PITPNC1: variants seen among roughly 807,000 people sequenced by gnomAD.
PITPNC1 encodes the protein cytoplasmic phosphatidylinositol transfer protein 1.
A neutral mutation model predicts 44.7 loss-of-function variants in PITPNC1; 18 were observed. That is an observed-to-expected ratio of 0.40 (90% CI 0.28 to 0.60). The LOEUF is 0.60. Among genes scored for constraint, PITPNC1 ranks in the 20% least tolerant of loss-of-function variants. The pLI is 0.39. For missense variants in PITPNC1, 290 were observed against 418.4 expected, an observed-to-expected ratio of 0.69 and a Z score of 2.68; for synonymous variants, 141 against 149.6, an observed-to-expected ratio of 0.94 and a Z score of 0.42.
At chr17:67,539,940 A>G (rs1021037944) in intron 2 of PITPNC1, among the ~76,000 whole-genome samples, 14 of 152,150 alleles carry the variant, frequency 9.2e-5, no homozygotes, top group African/African-American at 2.9e-4. Context: ...ATTTATATAT[A>G]TTGTTTACAG....
At chr17:67,687,169 T>C in intron 8 of PITPNC1, 1 of 1,574,294 alleles carries the variant, frequency 6.4e-7, no homozygotes, top group Non-Finnish European at 8.7e-7. Flanking sequence ...ACATAGAGAG[T>C]CATGCCCAAA....
intron 1 of PITPNC1, among the ~76,000 whole-genome samples, chr17:67,443,353 ACT>A (rs1340904096): frequency 6.7e-6 from 1 of 150,080 alleles, no homozygotes; most frequent in Non-Finnish European, 1.5e-5. Flanking sequence ...GACTTCTTAG[ACT>A]CTCGCAAGCA....
At chr17:67,534,389 G>A (rs1177469426) in intron 2 of PITPNC1, among the ~76,000 whole-genome samples, 1 of 152,092 alleles carries the variant, frequency 6.6e-6, no homozygotes, top group Non-Finnish European at 1.5e-5. Context: ...TATAATCCCA[G>A]CACTTTGGGA....
intron 6 of PITPNC1, among the ~76,000 whole-genome samples, chr17:67,639,807 G>A (rs2042072446): frequency 6.6e-6 from 1 of 152,214 alleles, no homozygotes; most frequent in Non-Finnish European, 1.5e-5. Context: ...TGTCAAGGGT[G>A]AGAGATTAAA....
chr17:67,598,214 C>T (rs1409553416), intron 5 of PITPNC1, among the ~76,000 whole-genome samples: 1 of 151,936 alleles, frequency 6.6e-6, no homozygotes, highest in African/African-American at 2.4e-5. Flanking sequence ...ATCTCCAGCA[C>T]TCCAGAGTGA....
At chr17:67,660,500 ATATTT>A (rs573834067) in intron 6 of PITPNC1, among the ~76,000 whole-genome samples, 5 of 149,222 alleles carry the variant, frequency 3.4e-5, no homozygotes, top group Non-Finnish European at 7.4e-5. Context: ...TGTATCATAT[ATATTT>A]TATTTTATTT....
At chr17:67,623,340 G>A (rs1310879499) in intron 5 of PITPNC1, among the ~76,000 whole-genome samples, 1 of 151,980 alleles carries the variant, frequency 6.6e-6, no homozygotes, top group Non-Finnish European at 1.5e-5. Flanking sequence ...CACCTGCCCA[G>A]CCCTTCAATT....
intron 1 of PITPNC1, among the ~76,000 whole-genome samples, chr17:67,517,612 T>C (rs2040274918): frequency 6.6e-6 from 1 of 152,208 alleles, no homozygotes; most frequent in South Asian, 2.1e-4. Context: ...ATGCTAAACA[T>C]GAATGAATCT....
intron 1 of PITPNC1, among the ~76,000 whole-genome samples, chr17:67,382,200 G>C (rs1461422728): frequency 6.6e-6 from 1 of 152,132 alleles, no homozygotes. Flanking sequence ...GCTATAGACG[G>C]TACTGGCCTC....
intron 8 of PITPNC1, among the ~76,000 whole-genome samples, chr17:67,689,369 G>A (rs115059556): frequency 6.6e-6 from 1 of 152,164 alleles, no homozygotes; most frequent in Non-Finnish European, 1.5e-5. Context: ...CAGGGTGAAA[G>A]ATGCCTGCCA....
intron 5 of PITPNC1, among the ~76,000 whole-genome samples, chr17:67,620,260 C>A (rs1342684828): frequency 6.6e-6 from 1 of 152,118 alleles, no homozygotes; most frequent in Admixed American, 6.6e-5. Context: ...CACTATGTTG[C>A]CCCGGCTGGT....
At chr17:67,585,444 C>T (rs184960602) in intron 5 of PITPNC1, among the ~76,000 whole-genome samples, 1 of 152,214 alleles carries the variant, frequency 6.6e-6, no homozygotes, top group Non-Finnish European at 1.5e-5. Context: ...TAAAATGAGG[C>T]CATTAGAGTG....
intron 8 of PITPNC1, among the ~76,000 whole-genome samples, chr17:67,690,448 C>CAAAA (rs58085156): frequency 0.014 from 1,610 of 113,122 alleles, 26 homozygotes; most frequent in African/African-American, 0.047. Flanking sequence ...AACTCTGTCT[C>CAAAA]AAAAAAAAAA....
At chr17:67,409,267 G>A (rs1324711804) in intron 1 of PITPNC1, among the ~76,000 whole-genome samples, 1 of 150,142 alleles carries the variant, frequency 6.7e-6, no homozygotes, top group Non-Finnish European at 1.5e-5. Flanking sequence ...TGTATTTTTA[G>A]TAGAGACGGG....
At chr17:67,551,429 G>A (rs1016772613) in intron 2 of PITPNC1, among the ~76,000 whole-genome samples, 3 of 152,186 alleles carry the variant, frequency 2.0e-5, no homozygotes, top group South Asian at 4.1e-4. Context: ...TTCTTCTGGG[G>A]AAACTGAGAG....
chr17:67,521,199 C>G (rs1295398247), intron 1 of PITPNC1, among the ~76,000 whole-genome samples: 4 of 152,170 alleles, frequency 2.6e-5, no homozygotes, highest in Non-Finnish European at 5.9e-5. Flanking sequence ...ATTTCAGTTG[C>G]TCTATTTCTA....
chr17:67,458,463 A>G (rs1464334944), intron 1 of PITPNC1, among the ~76,000 whole-genome samples: 7 of 152,082 alleles, frequency 4.6e-5, no homozygotes, highest in South Asian at 4.2e-4. Context: ...CTACTATTTA[A>G]TCTATCTATT....
intron 1 of PITPNC1, among the ~76,000 whole-genome samples, chr17:67,392,364 A>G (rs558114946): frequency 6.0e-4 from 92 of 152,308 alleles, no homozygotes; most frequent in African/African-American, 2.1e-3. Context: ...TAAATCACAC[A>G]GGGAGATTAA....
In PITPNC1 at chr17:67,678,539, T is replaced by A. The variant is rs2042645507; in HGVS notation, c.682+2997T>A. Among the ~76,000 whole-genome samples the A allele has an allele frequency of 2.0e-5, 3 of 152,234 alleles. No individual in the cohort carries two copies. In the South Asian group the frequency reaches 6.2e-4, roughly 32 times the overall value. Reference sequence around the variant, plus strand: ...GCAGCCTTTTCACTCAGCAGTGGTCTGAGAACTACACCGTTAATTTCATGT... The same window carrying A: ...GCAGCCTTTTCACTCAGCAGTGGTCAGAGAACTACACCGTTAATTTCATGT... On this transcript the variant is annotated intron_variant, in intron 8 of 8. Coordinates refer to ENST00000581322, the MANE Select transcript of PITPNC1 (RefSeq NM_012417.4).
Sources: allele counts gnomAD v4.1 joint callset (sites outside exome capture counted in the v4.1 genomes callset), GRCh38; gene constraint gnomAD v4.1.1; transcripts MANE v1.5; gene names NCBI Gene and HGNC (gene_info 2026-07-23, HGNC 2026-07-21).